CERS6: variants seen among roughly 807,000 people sequenced by gnomAD.
CERS6 encodes the protein ceramide synthase 6, also known as LAG1 homolog, ceramide synthase 6.
Under a neutral mutation model 56.8 loss-of-function variants are expected in CERS6, and 26 were observed. The ratio of observed to expected loss-of-function variants is 0.46; its 90% CI spans 0.34 to 0.63. The LOEUF (loss-of-function observed/expected upper bound fraction) is 0.63. Ranked by LOEUF, CERS6 falls within the 30% of genes least tolerant of loss-of-function variation. The probability of loss-of-function intolerance (pLI) is 0.01; values close to 1 mark genes in which losing one functional copy is unlikely to be tolerated. For missense variants in CERS6, 415 were observed against 467.5 expected (o/e 0.89, Z 1.04); for synonymous variants, 164 against 173.3 (o/e 0.95, Z 0.42).
At chr2:168,713,312 T>C (rs1337088784) in intron 6 of CERS6, among the ~76,000 whole-genome samples, 3 of 151,938 alleles carry the variant, frequency 2.0e-5, no homozygotes, top group Admixed American at 2.0e-4. Context: ...CTGTCTCCCC[T>C]AGAGAGAGAG....
At chr2:168,604,649 T>G (rs988014388) in intron 3 of CERS6, among the ~76,000 whole-genome samples, 1 of 152,172 alleles carries the variant, frequency 6.6e-6, no homozygotes, top group Admixed American at 6.5e-5. Context: ...CAGTGAGTTC[T>G]CATGAGATCT....
chr2:168,621,794 C>A (rs1370776706), intron 3 of CERS6, among the ~76,000 whole-genome samples: 3 of 152,090 alleles, frequency 2.0e-5, no homozygotes, highest in African/African-American at 4.8e-5. Context: ...GGATTTAGAA[C>A]TATATATGCA....
rs1190331366 is a variant in CERS6, at chr2:168,645,138, TATATAGAGAGAGAGAGAGAG to T, written c.465+14098_465+14117del. On this transcript the variant is annotated intron_variant, in intron 4 of 9. Coordinates refer to ENST00000305747, the MANE Select transcript of CERS6 (RefSeq NM_203463.3). ...AAAAATATATATATATATATATATA[TATATAGAGAGAGAGAGAGAG>T]AGAGAGAGAGAGAGAGAGAGAGAGA... is the stretch of plus-strand genomic sequence containing the variant. 2.5e-3 allele frequency among the ~76,000 whole-genome samples: 76 copies of T among 30,030 alleles called. 4 individuals are homozygous for T. Among genetic ancestry groups the T allele is most frequent in the Admixed American group, 4.5e-3 (10 of 2,202 alleles). 19.7% of individuals were successfully genotyped at this position (30,030 alleles called of 152,430 possible).
chr2:168,532,670 C>T (rs1177456926), intron 1 of CERS6, among the ~76,000 whole-genome samples: 1 of 152,016 alleles, frequency 6.6e-6, no homozygotes, highest in African/African-American at 2.4e-5. Flanking sequence ...GGATAGAGAC[C>T]ATCTTGTTCA....
At chr2:168,665,961 T>TGTGTGC (rs1553505794) in intron 4 of CERS6, among the ~76,000 whole-genome samples, 44 of 139,170 alleles carry the variant, frequency 3.2e-4, no homozygotes, top group Admixed American at 5.0e-4. Flanking sequence ...ACTGTGTGTG[T>TGTGTGC]GTGTGTGTGT....
chr2:168,497,203 G>A (rs1694488134), intron 1 of CERS6, among the ~76,000 whole-genome samples: 1 of 152,144 alleles, frequency 6.6e-6, no homozygotes, highest in Non-Finnish European at 1.5e-5. Flanking sequence ...AAGTATAATG[G>A]TGGTGACTGA....
At chr2:168,618,932 T>G (rs955225566) in intron 3 of CERS6, among the ~76,000 whole-genome samples, 1 of 151,964 alleles carries the variant, frequency 6.6e-6, no homozygotes, top group Non-Finnish European at 1.5e-5. Flanking sequence ...AGCAAGACTA[T>G]GCAAAAGAAC....
chr2:168,464,178 G>GTGTGTGTGTT (rs1464227354), intron 1 of CERS6, among the ~76,000 whole-genome samples: 5 of 127,426 alleles, frequency 3.9e-5, no homozygotes, highest in African/African-American at 1.7e-4. Context: ...TACTTTTTGT[G>GTGTGTGTGTT]TGTGTGTGTG....
rs944273792 is a variant in CERS6 at position 168,752,279 on chromosome 2, A to G, written c.846-13313A>G. ...CAGACCCCATCTTTTAAAAAAATAAATGTGTGTGTGTGTGTGTGTGTGTGT... is the reference window on the plus strand; with the variant it reads ...CAGACCCCATCTTTTAAAAAAATAAGTGTGTGTGTGTGTGTGTGTGTGTGT... On this transcript the variant is annotated intron_variant, in intron 8 of 9. Transcript: ENST00000305747. 1.5e-4 allele frequency among the ~76,000 whole-genome samples: 20 copies of G among 132,632 alleles called. No individual in the cohort carries two copies. In the South Asian group the frequency reaches 2.9e-3, roughly 20 times the overall value. 87.0% of individuals were successfully genotyped at this position (132,632 alleles called of 152,430 possible).
At chr2:168,737,921 T>C (rs1001333633) in intron 8 of CERS6, among the ~76,000 whole-genome samples, 2 of 152,242 alleles carry the variant, frequency 1.3e-5, no homozygotes, top group Non-Finnish European at 2.9e-5. Flanking sequence ...AATGGCATTA[T>C]GGTGAGTGTT....
chr2:168,766,234 A>C, intron 9 of CERS6: 1 of 1,254,732 alleles, frequency 8.0e-7, no homozygotes, highest in Non-Finnish European at 1.2e-6. Context: ...CTCAGCCCCA[A>C]CCCTGTGTGT....
chr2:168,491,936 A>G (rs1321740413), intron 1 of CERS6, among the ~76,000 whole-genome samples: 1 of 152,190 alleles, frequency 6.6e-6, no homozygotes, highest in East Asian at 1.9e-4. Flanking sequence ...ATGTCCCTAC[A>G]AAGGACATGA....
At position 168,456,318 on chromosome 2, in the gene CERS6, C is replaced by A. The variant is rs1693647490; in HGVS notation, c.-131C>A. On this transcript the variant is annotated 5_prime_UTR_variant, in exon 1 of 10. Transcript: ENST00000305747. The surrounding 1 kb of genome is among the most constrained non-coding windows in gnomAD (Gnocchi z 4.1). ...AGAGCAGCGGCCGCGGAGGAGGCGG[C>A]GGCGGCGGGCGGGAGCAGCGGCGGC... 2 of 400,786 alleles carry A rather than the reference C, an allele frequency of 5.0e-6. No individual in the cohort carries two copies. The highest frequency in any genetic ancestry group is 7.4e-6 in the Non-Finnish European group (2 of 271,604). 24.8% of individuals were successfully genotyped at this position (400,786 alleles called of 1,614,324 possible).
intron 3 of CERS6, among the ~76,000 whole-genome samples, chr2:168,622,087 A>G (rs1234626035): frequency 6.6e-6 from 1 of 152,162 alleles, no homozygotes; most frequent in Admixed American, 6.5e-5. Context: ...ATAAAAACCC[A>G]CCCAGTAATA....
chr2:168,691,987 T>G (rs994809217), intron 5 of CERS6, among the ~76,000 whole-genome samples: 2 of 152,192 alleles, frequency 1.3e-5, no homozygotes, highest in Admixed American at 1.3e-4. Context: ...GCCCTGTGTC[T>G]TCTTTGTTAC....
At chr2:168,652,707 T>A (rs1016770281) in intron 4 of CERS6, among the ~76,000 whole-genome samples, 1 of 152,004 alleles carries the variant, frequency 6.6e-6, no homozygotes, top group East Asian at 1.9e-4. Context: ...AATAAACCAA[T>A]TTATTACTAC....
At chr2:168,478,105 T>A (rs1694112053) in intron 1 of CERS6, among the ~76,000 whole-genome samples, 1 of 151,888 alleles carries the variant, frequency 6.6e-6, no homozygotes, top group South Asian at 2.1e-4. Context: ...TTTTTTTGTT[T>A]GTTTGCTTTG....
At chr2:168,627,000 A>G (rs952660477) in intron 3 of CERS6, among the ~76,000 whole-genome samples, 3 of 152,158 alleles carry the variant, frequency 2.0e-5, no homozygotes, top group African/African-American at 4.8e-5. Context: ...TTGCCCGTTT[A>G]GTGGTACTTT....
At chr2:168,471,410 T>A (rs1693976404) in intron 1 of CERS6, among the ~76,000 whole-genome samples, 1 of 152,222 alleles carries the variant, frequency 6.6e-6, no homozygotes, top group Non-Finnish European at 1.5e-5. Context: ...TACATACTAC[T>A]TTTTAGTTTT....
Sources: gnomAD v4.1 joint callset for allele counts (sites outside exome capture counted in the v4.1 genomes callset) on GRCh38, gnomAD v4.1.1 for gene constraint, Gnocchi (gnomAD v3.1) non-coding constraint, MANE v1.5 for transcripts, NCBI Gene and HGNC (gene_info 2026-07-23, HGNC 2026-07-21) for gene names.